The following ARHGAP22 variants were observed in gnomAD, a reference collection of about 807,000 sequenced individuals.
ARHGAP22 encodes the protein Rho GTPase activating protein 22.
Under a neutral mutation model 59.1 loss-of-function variants are expected in ARHGAP22, and 48 were observed. The observed-to-expected ratio is 0.81, with a 90% confidence interval of 0.64 to 1.03. The LOEUF (loss-of-function observed/expected upper bound fraction) is 1.03, where lower values mean the gene tolerates loss of function less well. Ranked by LOEUF, ARHGAP22 falls within the 50% of genes least tolerant of loss-of-function variation. The probability of loss-of-function intolerance (pLI) is 0.00; values close to 1 mark genes in which losing one functional copy is unlikely to be tolerated. For synonymous variants in ARHGAP22, 445 were observed against 416.4 expected, an observed-to-expected ratio of 1.07 and a Z score of -0.84; for missense variants, 1,015 against 958.7, an observed-to-expected ratio of 1.06 and a Z score of -0.78.
intron 3 of ARHGAP22, among the ~76,000 whole-genome samples, chr10:48,501,166 C>T (rs1714746203): frequency 6.6e-6 from 1 of 152,134 alleles, no homozygotes; most frequent in South Asian, 2.1e-4. Context: ...GTACTTTATG[C>T]CCAGATTTGT....
rs745355376 is a variant in ARHGAP22, at chr10:48,459,792, C to A, written c.551G>T (p.Arg184Leu). Residue 184 changes from arginine to leucine, a missense_variant, in exon 5 of 10, where the codon CGG (arginine) becomes CTG (leucine). Arg to Leu is a moderately radical substitution (Grantham distance 102). Coordinates refer to ENST00000249601, the MANE Select transcript of ARHGAP22 (RefSeq NM_021226.4). ...LLVEQCVDFI[R>L]ERGLTEEGLF... ...CCCCTCCTCAGTGAGCCCGCGCTCCCGGATGAAGTCCACACACTGCTCCAC... is the reference window on the plus strand; with the variant it reads ...CCCCTCCTCAGTGAGCCCGCGCTCCAGGATGAAGTCCACACACTGCTCCAC... 1.2e-6 allele frequency: 2 copies of A among 1,613,906 alleles called. No homozygotes were observed. The highest frequency in any genetic ancestry group is 8.5e-7 in the Non-Finnish European group (1 of 1,180,034).
intron 2 of ARHGAP22, chr10:48,582,640 T>C (rs2059187546): frequency 4.7e-6 from 2 of 425,366 alleles, no homozygotes; most frequent in Non-Finnish European, 8.6e-6. Flanking sequence ...TGTGCATGTA[T>C]GTCCTTCTTG....
chr10:48,578,099 G>T (rs1029293416), intron 2 of ARHGAP22, among the ~76,000 whole-genome samples: 2 of 152,106 alleles, frequency 1.3e-5, no homozygotes, highest in Non-Finnish European at 2.9e-5. Context: ...GTGAGCCACT[G>T]CGCCTGGCCC....
rs910814731 is a variant in ARHGAP22 at position 48,453,362 on chromosome 10, G to A, written c.930C>T (p.Thr310=). 13 of 1,613,940 alleles carry A rather than the reference G, an allele frequency of 8.1e-6. No individual in the cohort carries two copies. Among genetic ancestry groups the A allele is most frequent in the African/African-American group, 4.0e-5 (3 of 74,934 alleles). The part of the protein sequence containing the change: ...VNKMSVQNLA[T]VFGPNILRPQ... ...GCCGCAGAATGTTAGGTCCAAAAAC[G>A]GTTGCCAGATTCTGGACACTCATCT... The change falls in exon 8 of 10, where the codon ACC becomes ACT. Residue 310 remains threonine (T), a synonymous_variant. Transcript: ENST00000249601.
At chr10:48,583,214 C>G (rs1468819522) in intron 1 of ARHGAP22, 62 bp from the exon 2 acceptor site, 6 of 1,550,700 alleles carry the variant, frequency 3.9e-6, no homozygotes, top group Non-Finnish European at 5.3e-6. Flanking sequence ...AGTCCTGCCC[C>G]CATCCTGGTG....
At chr10:48,582,705 A>G in intron 2 of ARHGAP22, 1 of 555,132 alleles carries the variant, frequency 1.8e-6, no homozygotes, top group Non-Finnish European at 3.2e-6. Flanking sequence ...TAAGTTGGAC[A>G]AGGACATTCT....
At chr10:48,503,577 C>T (rs2051761535) in intron 3 of ARHGAP22, among the ~76,000 whole-genome samples, 1 of 152,276 alleles carries the variant, frequency 6.6e-6, no homozygotes, top group African/African-American at 2.4e-5. Flanking sequence ...GCTCCTCTCC[C>T]AGCAACTCTG....
chr10:48,505,545 C>A (rs1048481707), intron 3 of ARHGAP22, among the ~76,000 whole-genome samples: 74 of 152,116 alleles, frequency 4.9e-4, no homozygotes, highest in African/African-American at 1.6e-3. Context: ...CGAGCCCCAT[C>A]CCCAATTCTG....
chr10:48,545,908 C>T (rs999192407), intron 3 of ARHGAP22, among the ~76,000 whole-genome samples: 4 of 152,156 alleles, frequency 2.6e-5, no homozygotes, highest in African/African-American at 7.2e-5. Context: ...CAAGCAGACA[C>T]GTCGGAGGTC....
chr10:48,476,144 C>T (rs1452781243), intron 4 of ARHGAP22, among the ~76,000 whole-genome samples: 3 of 152,248 alleles, frequency 2.0e-5, no homozygotes, highest in Admixed American at 1.3e-4. Flanking sequence ...AGGCCAGTGC[C>T]TGTCCCTCCA....
In ARHGAP22 at chr10:48,555,457, G is replaced by A. The variant is rs763802699; in HGVS notation, c.322+6C>T. The A allele has an allele frequency of 6.2e-7, 1 of 1,613,710 alleles. No homozygotes were observed. Among genetic ancestry groups the A allele is most frequent in the Non-Finnish European group, 8.5e-7 (1 of 1,179,804 alleles). On this transcript the variant is annotated splice_donor_region_variant and intron_variant, in intron 3 of 9. Transcript: ENST00000249601. ...GGCTGCAGAGCTGGAAGGTGCTCAGGCCTACCTGGGCTGATCTCAAAGAGG... is the reference window on the plus strand; with the variant it reads ...GGCTGCAGAGCTGGAAGGTGCTCAGACCTACCTGGGCTGATCTCAAAGAGG...
intron 2 of ARHGAP22, among the ~76,000 whole-genome samples, chr10:48,565,327 A>T (rs2057981919): frequency 6.6e-6 from 1 of 152,194 alleles, no homozygotes; most frequent in Non-Finnish European, 1.5e-5. Flanking sequence ...GGTACCCAGG[A>T]TGGCAGCATC....
chr10:48,502,427 C>T (rs1019286045), intron 3 of ARHGAP22, among the ~76,000 whole-genome samples: 1 of 152,216 alleles, frequency 6.6e-6, no homozygotes, highest in Non-Finnish European at 1.5e-5. Context: ...GAGAATCTTA[C>T]ATCATGGCCT....
At chr10:48,535,638 C>T (rs143092893) in intron 3 of ARHGAP22, among the ~76,000 whole-genome samples, 125 of 152,280 alleles carry the variant, frequency 8.2e-4, no homozygotes, top group African/African-American at 2.9e-3. Flanking sequence ...GCTGCCACAC[C>T]GGTCCAGAGG....
At chr10:48,635,554 C>T (rs184215112) in intron 1 of ARHGAP22, among the ~76,000 whole-genome samples, 2 of 152,228 alleles carry the variant, frequency 1.3e-5, no homozygotes, top group Admixed American at 1.3e-4. Flanking sequence ...GTGTCCACAC[C>T]CCTGGGGTTG....
At chr10:48,431,244 T>G in the ARHGAP22 span, 2 of 1,611,864 alleles carry the variant, frequency 1.2e-6, no homozygotes, top group African/African-American at 2.7e-5. Context: ...AAGAATGGAG[T>G]TATACGGGGG....
intron 3 of ARHGAP22, among the ~76,000 whole-genome samples, chr10:48,486,673 A>G (rs1244317349): frequency 4.6e-5 from 7 of 152,198 alleles, no homozygotes; most frequent in Non-Finnish European, 8.8e-5. Flanking sequence ...ATATTTACCC[A>G]TGTAGTTACC....
chr10:48,500,067 G>GTGGCTCACA lies in ARHGAP22; in HGVS notation c.323-20312_323-20304dup, dbSNP rs113883508. Among the ~76,000 whole-genome samples, 1,435 of 152,330 alleles carry GTGGCTCACA rather than the reference G, an allele frequency of 9.4e-3. 27 individuals are homozygous for GTGGCTCACA. The highest frequency in any genetic ancestry group is 0.032 in the African/African-American group (1,343 of 41,566). Reference sequence around the variant, plus strand: ...AAAGAGAGTATAGAGGCTAGGCATGGTGGCTCACACCTGTAATCCTAATAC... The same window carrying GTGGCTCACA: ...AAAGAGAGTATAGAGGCTAGGCATGGTGGCTCACATGGCTCACACCTGTAATCCTAATAC... On this transcript the variant is annotated intron_variant, in intron 3 of 9. Transcript: ENST00000249601.
intron 2 of ARHGAP22, among the ~76,000 whole-genome samples, chr10:48,560,910 T>C (rs1208966526): frequency 1.3e-5 from 2 of 152,166 alleles, no homozygotes; most frequent in South Asian, 2.1e-4. Flanking sequence ...TAAAATTTGG[T>C]TGAAAATTTT....
Sources: allele counts gnomAD v4.1 joint callset (sites outside exome capture counted in the v4.1 genomes callset), GRCh38; gene constraint gnomAD v4.1.1; transcripts MANE v1.5; gene names NCBI Gene and HGNC (gene_info 2026-07-23, HGNC 2026-07-21).